Variants in PASK observed in about 807,000 individuals in gnomAD.
PASK encodes PAS domain-containing serine/threonine-protein kinase.
Under a neutral mutation model 121.0 loss-of-function variants are expected in PASK, and 110 were observed. The observed-to-expected ratio is 0.91, with a 90% CI of 0.78 to 1.06. The LOEUF (loss-of-function observed/expected upper bound fraction) is 1.06. PASK is among the 50% of genes least tolerant of loss of function. The probability of loss-of-function intolerance (pLI) is 0.00; values close to 1 mark genes in which losing one functional copy is unlikely to be tolerated. For missense variants in PASK, 1,643 were observed against 1,702.3 expected (o/e 0.97, Z 0.61); for synonymous variants, 686 against 717.8 (o/e 0.96, Z 0.71).
chr2:241,118,083 A>G (rs1017170992), intron 12 of PASK, among the ~76,000 whole-genome samples: 1 of 152,212 alleles, frequency 6.6e-6, no homozygotes, highest in Admixed American at 6.5e-5. Context: ...AATACTCTCC[A>G]AAGTGAGCTA....
chr2:241,143,001 T>C lies in PASK; in HGVS notation c.32A>G (p.Glu11Gly). Residue 11 changes from glutamate (E) to glycine (G), a missense_variant, in exon 2 of 18, where the codon GAG becomes GGG. Glu to Gly is a moderately conservative substitution (Grantham distance 98, BLOSUM62 -2). Transcript: ENST00000234040. Reference sequence around the variant, plus strand: ...GCTCTGGGAAAGGCATCTCTGGTCCTCTTCAAAGGCTGTTAAGCCCCCGTC... The same window carrying C: ...GCTCTGGGAAAGGCATCTCTGGTCCCCTTCAAAGGCTGTTAAGCCCCCGTC... MEDGGLTAFE[E>G]DQRCLSQSLP... The C allele has an allele frequency of 6.2e-7, 1 of 1,614,032 alleles. No homozygotes were observed. Among genetic ancestry groups the C allele is most frequent in the Non-Finnish European group, 8.5e-7 (1 of 1,180,018 alleles).
In PASK at chr2:241,137,070, G is replaced by A; in HGVS notation, c.1071C>T (p.Ile357=). The change falls in exon 7 of 18, where the codon ATC becomes ATT. Residue 357 remains isoleucine (I), a synonymous_variant. Transcript: ENST00000234040. ...GCGCGAAGCTGTGGTTGATGCCGTGGATGGTCCCATCCGGCAGGAGGGTGA... is the reference window on the plus strand; with the variant it reads ...GCGCGAAGCTGTGGTTGATGCCGTGAATGGTCCCATCCGGCAGGAGGGTGA... ...GLITLLPDGT[I]HGINHSFALT... The A allele has an allele frequency of 6.2e-7, 1 of 1,613,484 alleles. No individual in the cohort carries two copies. The highest frequency in any genetic ancestry group is 8.5e-7 in the Non-Finnish European group (1 of 1,179,742).
intron 3 of PASK, 34 bp downstream of exon 3, chr2:241,140,487 T>A: frequency 7.0e-7 from 1 of 1,418,706 alleles, no homozygotes. Flanking sequence ...CAAATCCACA[T>A]CTACACAGCT....
intron 9 of PASK, 79 bp from the exon 10 acceptor site, chr2:241,127,530 G>C: frequency 3.4e-6 from 4 of 1,170,562 alleles, no homozygotes; most frequent in Middle Eastern, 1.9e-4. Flanking sequence ...TTCTCCATTA[G>C]AACTAAGTAC....
In PASK at chr2:241,132,906, G is replaced by A; in HGVS notation, c.1431C>T (p.Leu477=). ...TQTELIAGGQ[L]LSCLSPQPAP... ...CAGGCTGAGGTGAGAGGCAGGAAAG[G>A]AGCTGGCCTCCAGCAATCAGCTCAG... Residue 477 remains leucine (L), a synonymous_variant, in exon 9 of 18, where the codon CTC becomes CTT. Transcript: ENST00000234040. The A allele has an allele frequency of 3.1e-6, 5 of 1,614,100 alleles. No individual in the cohort carries two copies. Among genetic ancestry groups the A allele is most frequent in the Non-Finnish European group, 4.2e-6 (5 of 1,179,982 alleles).
In PASK at chr2:241,112,574, A is replaced by G. The variant is rs2065154085; in HGVS notation, c.3334-135T>C. ...TCATAATGAACTGGGGACAGGAAAGATTTTTCAATGCTGAAGATATGATTG... is the reference window on the plus strand; with the variant it reads ...TCATAATGAACTGGGGACAGGAAAGGTTTTTCAATGCTGAAGATATGATTG... On this transcript the variant is annotated intron_variant, in intron 14 of 17. Transcript: ENST00000234040. This position sits in a 1 kb window ranked among gnomAD's most constrained non-coding sequence, Gnocchi z 5.2. 3 of 632,746 alleles carry G rather than the reference A, an allele frequency of 4.7e-6. No homozygotes were observed. In the South Asian group the frequency reaches 5.9e-5, roughly 13 times the overall value. 39.2% of individuals were successfully genotyped at this position (632,746 alleles called of 1,614,324 possible). A position where few individuals can be genotyped will look rare whatever the true frequency, so the allele number is the denominator to read the frequency against.
intron 9 of PASK, chr2:241,127,660 G>T: frequency 1.7e-6 from 1 of 597,034 alleles, no homozygotes; most frequent in Non-Finnish European, 3.0e-6. Flanking sequence ...AAATGATTTT[G>T]CAGAGAATGC....
chr2:241,149,615 C>T (rs1039422910), upstream of PASK: 3 of 1,530,408 alleles, frequency 2.0e-6, no homozygotes, highest in African/African-American at 2.7e-5. Flanking sequence ...CACCAAACAC[C>T]CCTACGGCGC....
intron 10 of PASK, among the ~76,000 whole-genome samples, chr2:241,125,754 G>A (rs1481043144): frequency 1.3e-5 from 2 of 152,142 alleles, no homozygotes; most frequent in Non-Finnish European, 2.9e-5. Flanking sequence ...CCAAAAGCAC[G>A]GAAGAAGAAC....
intron 12 of PASK, among the ~76,000 whole-genome samples, chr2:241,120,492 C>CAAAAAAAAAAA (rs568145375): frequency 6.4e-5 from 9 of 139,926 alleles, no homozygotes; most frequent in East Asian, 2.7e-4. Context: ...GACTCTGTCT[C>CAAAAAAAAAAA]AAAAGAAAAA....
chr2:241,126,318 CT>C lies in PASK; in HGVS notation c.2596del (p.Arg866GlyfsTer2). On this transcript the variant is annotated frameshift_variant, in exon 10 of 18. Transcript: ENST00000234040. LOFTEE classifies it high-confidence loss of function. ...CGTGGAGGTGACCTGGACGTTCAGCCTTGGCTCCTCTGCTGATGGGCACGTG... is the reference window on the plus strand; with the variant it reads ...CGTGGAGGTGACCTGGACGTTCAGCCTGGCTCCTCTGCTGATGGGCACGTG... ...EDTCPSAEEP[R>X]LNVQVTSTPV... 1 of 1,614,250 alleles carries C rather than the reference CT, an allele frequency of 6.2e-7. No individual in the cohort carries two copies. Among genetic ancestry groups the C allele is most frequent in the Non-Finnish European group, 8.5e-7 (1 of 1,180,042 alleles).
chr2:241,120,302 G>A (rs775568964), intron 12 of PASK, among the ~76,000 whole-genome samples: 1 of 152,250 alleles, frequency 6.6e-6, no homozygotes, highest in Non-Finnish European at 1.5e-5. Flanking sequence ...AGACCAGCCT[G>A]GCCAACATGG....
intron 14 of PASK, chr2:241,113,654 T>C (rs1304883748): frequency 2.2e-6 from 2 of 900,144 alleles, no homozygotes; most frequent in Non-Finnish European, 2.7e-6. Context: ...GAAAGTTTCA[T>C]TAAGATTTAT....
At position 241,138,075 on chromosome 2, in the gene PASK, A is replaced by T; in HGVS notation, c.754T>A (p.Ser252Thr). Residue 252 changes from serine to threonine, a missense_variant, in exon 6 of 18, where the codon TCA becomes ACA. Around this residue, in one of 3 missense-constraint regions of PASK, gnomAD observed 1,176 missense variants for 1,162.2 expected, o/e 1.01. Coordinates refer to ENST00000234040, the MANE Select transcript of PASK (RefSeq NM_015148.4). ...AGATGAGCAAAGAGACTGTCACATG[A>T]CGTGACGGTGCCCTGGAGGAAAAGC... ...VAFQSDGTVT[S>T]CDSLFAHLHG... The T allele has an allele frequency of 1.9e-6, 3 of 1,614,232 alleles. No homozygotes were observed. The East Asian group carries it at 6.7e-5, about 36-fold the overall frequency.
In PASK at chr2:241,111,052, G is replaced by A. The variant is rs537495532; in HGVS notation, c.3533+1188C>T. On this transcript the variant is annotated intron_variant, in intron 15 of 17. Coordinates refer to ENST00000234040, the MANE Select transcript of PASK (RefSeq NM_015148.4). ...GCTGGGCTCTGAGGACTCAGGGTGT[G>A]CAGCCTGGAACCTGCACCTCCTAAT... 1.6e-4 allele frequency among the ~76,000 whole-genome samples: 25 copies of A among 152,370 alleles called. 1 individual carries two copies. The highest frequency in any genetic ancestry group is 3.4e-3 in the Middle Eastern group (1 of 294).
chr2:241,144,355 T>C (rs1475778518), intron 1 of PASK, among the ~76,000 whole-genome samples: 1 of 152,178 alleles, frequency 6.6e-6, no homozygotes, highest in Non-Finnish European at 1.5e-5. Flanking sequence ...AGATTTCCTC[T>C]ACTGGCAGGA....
rs773767726 is a variant in PASK at position 241,138,772 on chromosome 2, C to T, written c.623G>A (p.Gly208Glu). Residue 208 changes from glycine to glutamate, a missense_variant, in exon 5 of 18, where the codon GGG (glycine) becomes GAG (glutamate). Coordinates refer to ENST00000234040, the MANE Select transcript of PASK (RefSeq NM_015148.4). ...CCACACAGACACTGGAATCTTCTCCCCACTACGGCTGATGATGTCCACCTG... is the reference window on the plus strand; with the variant it reads ...CCACACAGACACTGGAATCTTCTCCTCACTACGGCTGATGATGTCCACCTG... ...GTVVDIISRS[G>E]EKIPVSVWMK... 19 of 1,613,986 alleles carry T rather than the reference C, an allele frequency of 1.2e-5. No individual in the cohort carries two copies. In the Middle Eastern group the frequency reaches 4.9e-4, roughly 42 times the overall value.
chr2:241,144,474 A>G (rs2066859678), intron 1 of PASK, among the ~76,000 whole-genome samples: 2 of 152,146 alleles, frequency 1.3e-5, no homozygotes. Flanking sequence ...CCCTGGGGCC[A>G]AGGCAAGCCC....
chr2:241,120,400 G>A (rs1474527607), intron 12 of PASK, among the ~76,000 whole-genome samples: 2 of 152,126 alleles, frequency 1.3e-5, no homozygotes, highest in Non-Finnish European at 2.9e-5. Flanking sequence ...GGCTAAGGCA[G>A]GAGAATCGCT....
Sources: allele counts gnomAD v4.1 joint callset (sites outside exome capture counted in the v4.1 genomes callset), GRCh38; gene constraint gnomAD v4.1.1; regional missense constraint gnomAD v4.1.1; non-coding constraint Gnocchi (gnomAD v3.1); transcripts MANE v1.5; gene names NCBI Gene and HGNC (gene_info 2026-07-23, HGNC 2026-07-21).